The following CACNA1D variants were observed in gnomAD, a reference collection of about 807,000 sequenced individuals.
CACNA1D encodes the protein calcium voltage-gated channel subunit alpha1 D.
Under a neutral mutation model 257.1 loss-of-function variants are expected in CACNA1D, and 55 were observed. The ratio of observed to expected loss-of-function variants is 0.21; its 90% CI spans 0.17 to 0.27. The LOEUF (loss-of-function observed/expected upper bound fraction) is 0.27, where lower values mean the gene tolerates loss of function less well. Among genes scored for constraint, CACNA1D ranks in the 10% least tolerant of loss-of-function variants. The pLI is 1.00. For missense variants in CACNA1D, 1,876 were observed against 2,784.0 expected (o/e 0.67, Z 7.34); for synonymous variants, 980 against 1,014.9 (o/e 0.97, Z 0.65).
chr3:53,672,123 CTG>C (rs1342389161), intron 7 of CACNA1D, among the ~76,000 whole-genome samples: 1 of 152,236 alleles, frequency 6.6e-6, no homozygotes, highest in Non-Finnish European at 1.5e-5. Context: ...GCCAGGGAGA[CTG>C]TGTCTGAATG....
At chr3:53,695,643 G>A (rs2094566772) in intron 8 of CACNA1D, among the ~76,000 whole-genome samples, 1 of 152,190 alleles carries the variant, frequency 6.6e-6, no homozygotes. Context: ...TTGGGGGTCA[G>A]TGACAGGCGT....
intron 3 of CACNA1D, among the ~76,000 whole-genome samples, chr3:53,516,197 A>G (rs1239126673): frequency 6.6e-6 from 1 of 152,210 alleles, no homozygotes; most frequent in Non-Finnish European, 1.5e-5. Context: ...GAATAGTTCA[A>G]GAGAGTCTTA....
At chr3:53,680,218 A>T (rs1355244362) in intron 8 of CACNA1D, among the ~76,000 whole-genome samples, 1 of 152,168 alleles carries the variant, frequency 6.6e-6, no homozygotes, top group Non-Finnish European at 1.5e-5. Context: ...GTTTTCGCTG[A>T]TCCTTGTTTC....
intron 3 of CACNA1D, among the ~76,000 whole-genome samples, chr3:53,566,124 T>C (rs1216475364): frequency 6.6e-6 from 1 of 152,206 alleles, no homozygotes; most frequent in Non-Finnish European, 1.5e-5. Flanking sequence ...TCTGAGAATT[T>C]CTAGACAATG....
intron 3 of CACNA1D, among the ~76,000 whole-genome samples, chr3:53,583,903 C>CT (rs1319182261): frequency 6.6e-6 from 1 of 152,062 alleles, no homozygotes; most frequent in Non-Finnish European, 1.5e-5. Context: ...TCCTTTTTTC[C>CT]TTTTTTAGAA....
chr3:53,615,231 G>A (rs781395920), intron 3 of CACNA1D, among the ~76,000 whole-genome samples: 1 of 152,148 alleles, frequency 6.6e-6, no homozygotes, highest in Admixed American at 6.5e-5. Context: ...TCCTTCCTCA[G>A]GGGTTCAAAT....
chr3:53,509,615 C>T (rs1030154311), intron 3 of CACNA1D, among the ~76,000 whole-genome samples: 2 of 152,004 alleles, frequency 1.3e-5, no homozygotes, highest in Non-Finnish European at 2.9e-5. Context: ...CGAGGGAGGG[C>T]GGGGAGGCAG....
chr3:53,537,332 A>G lies in CACNA1D; in HGVS notation c.483+35612A>G, dbSNP rs6805808. ...AAAGTGTAATGAACCCTGTGTACCC[A>G]TCATTCAGCTTTCATAACTCTTCGT... On this transcript the variant is annotated intron_variant, in intron 3 of 47. Transcript: ENST00000350061. Among the ~76,000 whole-genome samples the G allele has an allele frequency of 4.8e-3, 735 of 152,316 alleles. 12 individuals are homozygous for G. The highest frequency in any genetic ancestry group is 0.016 in the African/African-American group (677 of 41,568).
Position 53,800,640 on chromosome 3 carries a change from G to C in CACNA1D, c.5040+275G>C. ...GGCCACAGCCGCTGGCCCTGTGGATGAGCATCCTGAGTCCTTCCGGCAGCT... is the reference window on the plus strand; with the variant it reads ...GGCCACAGCCGCTGGCCCTGTGGATCAGCATCCTGAGTCCTTCCGGCAGCT... On this transcript the variant is annotated intron_variant, in intron 41 of 47. Coordinates refer to ENST00000350061, the MANE Select transcript of CACNA1D (RefSeq NM_001128840.3). The surrounding 1 kb of genome is among the most constrained non-coding windows in gnomAD (Gnocchi z 4.3). 1 of 524,104 alleles carries C rather than the reference G, an allele frequency of 1.9e-6. No homozygotes were observed. The highest frequency in any genetic ancestry group is 3.0e-5 in the Admixed American group (1 of 33,342). 32.5% of individuals were successfully genotyped at this position (524,104 alleles called of 1,614,324 possible).
chr3:53,557,637 T>G (rs2092671104), intron 3 of CACNA1D, among the ~76,000 whole-genome samples: 1 of 152,264 alleles, frequency 6.6e-6, no homozygotes, highest in Non-Finnish European at 1.5e-5. Context: ...GCCTATCCTT[T>G]CTCAACTGAA....
At chr3:53,670,087 TCAGTGCACACTCCTACGGAGGTG>T (rs1284707668) in intron 7 of CACNA1D, among the ~76,000 whole-genome samples, 4 of 152,198 alleles carry the variant, frequency 2.6e-5, no homozygotes, top group Non-Finnish European at 5.9e-5. Context: ...AGCTCTTTTC[TCAGTGCACACTCCTACGGAGGTG>T]CTGGCTGTCA....
chr3:53,732,831 G>A lies in CACNA1D; in HGVS notation c.2490G>A (p.Glu830=). ...CATTTAAAGTAGGGGAAGAGGAAGA[G>A]GAAGAGGAGGAGGATGAACCTGAGG... ...PCDVPVGEEE[E]EEEEDEPEVP... The change falls in exon 19 of 48, where the codon GAG becomes GAA. Residue 830 remains glutamate, a synonymous_variant. Transcript: ENST00000350061. 6.2e-7 allele frequency: 1 copy of A among 1,613,398 alleles called. No individual in the cohort carries two copies. Among genetic ancestry groups the A allele is most frequent in the Non-Finnish European group, 8.5e-7 (1 of 1,179,352 alleles).
intron 3 of CACNA1D, among the ~76,000 whole-genome samples, chr3:53,549,530 A>G (rs1245730003): frequency 1.3e-5 from 2 of 152,136 alleles, no homozygotes; most frequent in African/African-American, 2.4e-5. Context: ...ATCTGATGTG[A>G]TTTCTAGTTG....
Position 53,613,081 on chromosome 3 carries a change from G to A in CACNA1D, c.484-37698G>A, listed in dbSNP as rs12715462. 3.8e-3 allele frequency among the ~76,000 whole-genome samples: 580 copies of A among 152,312 alleles called. 6 individuals carry two copies. Among genetic ancestry groups the A allele is most frequent in the African/African-American group, 0.013 (552 of 41,576 alleles). On this transcript the variant is annotated intron_variant, in intron 3 of 47. Transcript: ENST00000350061. ...GTGAGACAGTTAATAGGTTATGTAGGTAAGAGGGCACTTTGCTTCTGTGCA... is the reference window on the plus strand; with the variant it reads ...GTGAGACAGTTAATAGGTTATGTAGATAAGAGGGCACTTTGCTTCTGTGCA...
Position 53,811,254 on chromosome 3 carries a change from C to T in CACNA1D, c.6334C>T (p.Arg2112Cys), listed in dbSNP as rs886044438. The change falls in exon 48 of 48, where the codon CGT (arginine) becomes TGT (cysteine). Residue 2112 changes from arginine (R) to cysteine (C), a missense_variant. This residue lies in a region of CACNA1D where 491 missense variants were observed against 554.3 expected (regional missense o/e 0.89). Coordinates refer to ENST00000350061, the MANE Select transcript of CACNA1D (RefSeq NM_001128840.3). The surrounding 1 kb of genome is among the most constrained non-coding windows in gnomAD (Gnocchi z 4.2). Reference sequence around the variant, plus strand: ...CAGCACCCTGCTTAATGGGAACGTGCGTCCCCGAGCCAACGGGGATGTGGG... The same window carrying T: ...CAGCACCCTGCTTAATGGGAACGTGTGTCCCCGAGCCAACGGGGATGTGGG... ...AASTLLNGNV[R>C]PRANGDVGPL... 2.1e-5 allele frequency: 34 copies of T among 1,613,834 alleles called. No individual in the cohort carries two copies. The highest frequency in any genetic ancestry group is 2.5e-5 in the Non-Finnish European group (30 of 1,180,040).
At chr3:53,593,720 G>A (rs1437894423) in intron 3 of CACNA1D, among the ~76,000 whole-genome samples, 1 of 152,160 alleles carries the variant, frequency 6.6e-6, no homozygotes, top group African/African-American at 2.4e-5. Flanking sequence ...GTGCTCCAAG[G>A]CCACCCAAGG....
chr3:53,607,499 A>G (rs1354399117), intron 3 of CACNA1D, among the ~76,000 whole-genome samples: 1 of 152,216 alleles, frequency 6.6e-6, no homozygotes, highest in Non-Finnish European at 1.5e-5. Flanking sequence ...GAAGACAGGG[A>G]AAGGAGGCCA....
chr3:53,645,427 TG>T (rs1435374276), intron 3 of CACNA1D, among the ~76,000 whole-genome samples: 2 of 152,230 alleles, frequency 1.3e-5, no homozygotes, highest in Non-Finnish European at 2.9e-5. Context: ...TCTGTTTTTC[TG>T]TAGTACTTTC....
At chr3:53,502,395 C>G (rs2090642798) in intron 3 of CACNA1D, among the ~76,000 whole-genome samples, 2 of 151,744 alleles carry the variant, frequency 1.3e-5, no homozygotes, top group African/African-American at 2.4e-5. Flanking sequence ...GGAAGTTCTG[C>G]AGTTAAAAAA....
Sources: gnomAD v4.1 joint callset for allele counts (sites outside exome capture counted in the v4.1 genomes callset) on GRCh38, gnomAD v4.1.1 for gene constraint, gnomAD v4.1.1 regional missense constraint, Gnocchi (gnomAD v3.1) non-coding constraint, MANE v1.5 for transcripts, NCBI Gene and HGNC (gene_info 2026-07-23, HGNC 2026-07-21) for gene names.